NFX1: variants seen among roughly 807,000 people sequenced by gnomAD.
The protein encoded by NFX1 is nuclear transcription factor, X-box binding 1.
In NFX1, 69 loss-of-function variants were observed where a neutral mutation model predicts 137.2. The observed-to-expected ratio is 0.50, with a 90% CI of 0.41 to 0.61. NFX1 has a LOEUF of 0.61. NFX1 is among the 20% of genes least tolerant of loss of function. The probability of loss-of-function intolerance (pLI) is 0.00; values close to 1 mark genes in which losing one functional copy is unlikely to be tolerated. For synonymous variants in NFX1, 495 were observed against 474.1 expected (o/e 1.04, Z -0.57); for missense variants, 1,167 against 1,391.0 (o/e 0.84, Z 2.56).
intron 15 of NFX1, among the ~76,000 whole-genome samples, chr9:33,350,299 A>C (rs993642970): frequency 2.0e-5 from 3 of 146,384 alleles, no homozygotes; most frequent in African/African-American, 7.6e-5. Flanking sequence ...GCGAGACTCC[A>C]TCTCAAAAAA....
In NFX1 at chr9:33,313,643, T is replaced by C. The variant is rs1448389080; in HGVS notation, c.1449-11T>C. 2 of 1,613,592 alleles carry C rather than the reference T, an allele frequency of 1.2e-6. No individual in the cohort carries two copies. The highest frequency in any genetic ancestry group is 2.7e-5 in the African/African-American group (2 of 74,912). ...ACACTGATGCTGTCTTTACATCTATTGTCTTTACAGGCACACAGTTCGCTG... is the reference window on the plus strand; with the variant it reads ...ACACTGATGCTGTCTTTACATCTATCGTCTTTACAGGCACACAGTTCGCTG... On this transcript the variant is annotated splice_polypyrimidine_tract_variant and intron_variant, in intron 6 of 23. Coordinates refer to ENST00000379540, the MANE Select transcript of NFX1 (RefSeq NM_002504.6).
At chr9:33,331,275 A>T (rs982534516) in intron 10 of NFX1, among the ~76,000 whole-genome samples, 2 of 152,264 alleles carry the variant, frequency 1.3e-5, no homozygotes, top group Non-Finnish European at 2.9e-5. Flanking sequence ...GGGCTTTTCC[A>T]CAGAAGTGAG....
intron 14 of NFX1, 42 bp downstream of exon 14, chr9:33,344,230 A>G: frequency 1.9e-6 from 3 of 1,610,854 alleles, no homozygotes; most frequent in Non-Finnish European, 2.5e-6. Flanking sequence ...TGCTCACACC[A>G]TGTCATTTAG....
chr9:33,322,878 T>C (rs1822439239), intron 9 of NFX1, among the ~76,000 whole-genome samples: 1 of 152,222 alleles, frequency 6.6e-6, no homozygotes, highest in Non-Finnish European at 1.5e-5. Flanking sequence ...GTAGGCCATC[T>C]AGTTCATCAG....
At chr9:33,369,761 A>G in intron 23 of NFX1, 145 bp from the exon 24 acceptor site, 3 of 688,792 alleles carry the variant, frequency 4.4e-6, no homozygotes, top group Non-Finnish European at 2.5e-6. Flanking sequence ...CAAAGGGCAG[A>G]AGGAAAAAAA....
chr9:33,325,532 C>T (rs764384109), intron 9 of NFX1, among the ~76,000 whole-genome samples: 37 of 152,078 alleles, frequency 2.4e-4, no homozygotes, highest in African/African-American at 8.0e-4. Flanking sequence ...GGCATGGTGG[C>T]GGGCACCTGT....
intron 1 of NFX1, 61 bp downstream of exon 1, chr9:33,290,658 C>T (rs1821122259): frequency 2.6e-6 from 4 of 1,550,378 alleles, no homozygotes; most frequent in Admixed American, 3.8e-5. Context: ...GGGTCAGTGA[C>T]GAAGTTCTAG....
chr9:33,298,714 G>T (rs1006163303), intron 2 of NFX1, among the ~76,000 whole-genome samples: 5 of 152,176 alleles, frequency 3.3e-5, no homozygotes, highest in Non-Finnish European at 7.3e-5. Flanking sequence ...AGCCCAGTGG[G>T]TCAAGGCTGC....
At chr9:33,354,644 G>A (rs1017588670) in intron 18 of NFX1, among the ~76,000 whole-genome samples, 5 of 152,150 alleles carry the variant, frequency 3.3e-5, no homozygotes, top group Non-Finnish European at 5.9e-5. Flanking sequence ...CCTGGATTGG[G>A]GTCCCTGGGG....
In NFX1 at chr9:33,364,062, C is replaced by G; in HGVS notation, c.2926C>G (p.Arg976Gly). ...TGAGGATTCTGATCCTTTCAATATA[C>G]GTTCTTCAGGGTCAAAATTCAGTGA... Reference protein sequence around the residue: ...ISEDSDPFNIRSSGSKFSDSL... With the variant: ...ISEDSDPFNIGSSGSKFSDSL... Residue 976 changes from arginine (R) to glycine (G), a missense_variant, in exon 20 of 24, where the codon CGT becomes GGT. This residue lies in a region of NFX1 where 312 missense variants were observed against 312.8 expected (regional missense o/e 1.00). Transcript: ENST00000379540. 1.9e-6 allele frequency: 3 copies of G among 1,605,812 alleles called. 1 individual carries two copies. The South Asian group carries it at 3.4e-5, about 18-fold the overall frequency.
intron 4 of NFX1, among the ~76,000 whole-genome samples, chr9:33,304,909 T>C (rs1409704861): frequency 6.6e-6 from 1 of 152,242 alleles, no homozygotes; most frequent in Non-Finnish European, 1.5e-5. Context: ...ATTAAAAATC[T>C]TGTTAAAGCC....
chr9:33,308,398 C>T lies in NFX1; in HGVS notation c.1376+1099C>T, dbSNP rs1171145193. 2.0e-5 allele frequency among the ~76,000 whole-genome samples: 3 copies of T among 152,130 alleles called. 1 individual carries two copies. The South Asian group carries it at 6.2e-4, about 32-fold the overall frequency. ...TCACGGCTGCAGTGAGCTGTGATTGCACTATTGCACTCCAGCCTGGGCAAC... is the reference window on the plus strand; with the variant it reads ...TCACGGCTGCAGTGAGCTGTGATTGTACTATTGCACTCCAGCCTGGGCAAC... On this transcript the variant is annotated intron_variant, in intron 5 of 23. Coordinates refer to ENST00000379540, the MANE Select transcript of NFX1 (RefSeq NM_002504.6).
rs1823227000 is a variant in NFX1 at position 33,341,655 on chromosome 9, G to A, written c.2116-1091G>A. ...TTATTATAAAAAAATTTGCAGCCAG[G>A]CATTGTGGCTCACACCTGTAATTCC... On this transcript the variant is annotated intron_variant, in intron 12 of 23. Transcript: ENST00000379540. Among the ~76,000 whole-genome samples the A allele has an allele frequency of 2.0e-5, 3 of 152,142 alleles. No homozygotes were observed. In the South Asian group the frequency reaches 6.2e-4, roughly 32 times the overall value.
chr9:33,341,624 T>G (rs527770813), intron 12 of NFX1, among the ~76,000 whole-genome samples: 1 of 152,290 alleles, frequency 6.6e-6, no homozygotes, highest in South Asian at 2.1e-4. Context: ...GCTTAAAGAC[T>G]TCCTCTTATT....
At chr9:33,303,341 C>A in intron 4 of NFX1, 73 bp downstream of exon 4, 1 of 1,303,194 alleles carries the variant, frequency 7.7e-7, no homozygotes, top group Non-Finnish European at 1.1e-6. Context: ...AGGTGGTCTG[C>A]GGGGCATGTT....
chr9:33,351,980 A>G (rs928588974), intron 16 of NFX1, 190 bp downstream of exon 16: 1 of 544,194 alleles, frequency 1.8e-6, no homozygotes, highest in Non-Finnish European at 3.2e-6. Context: ...TGGCCTTTTG[A>G]TTCAGCAGGT....
At chr9:33,354,930 T>C in intron 19 of NFX1, 38 bp downstream of exon 19, 1 of 1,608,272 alleles carries the variant, frequency 6.2e-7, no homozygotes, top group African/African-American at 1.3e-5. Context: ...CTCCTTGCCC[T>C]TGAGCTCTGT....
At chr9:33,351,445 G>GAAAAC in intron 15 of NFX1, 115 bp from the exon 16 acceptor site, 1 of 1,041,650 alleles carries the variant, frequency 9.6e-7, no homozygotes, top group Non-Finnish European at 1.4e-6. Context: ...CCCTATATCC[G>GAAAAC]AAAACAAAAC....
rs771137618 is a variant in NFX1, at chr9:33,318,822, A to C, written c.1680A>C (p.Ile560=). 2.7e-5 allele frequency: 44 copies of C among 1,614,116 alleles called. No homozygotes were observed. In the Admixed American group the frequency reaches 7.3e-4, roughly 27 times the overall value. ...DGFGDFSCLK[I]CGKDLKCGNH... ...TTGGGGATTTCAGCTGTTTAAAGAT[A>C]TGTGGCAAGTAAGGTTTTACGTTTT... The change falls in exon 8 of 24, where the codon ATA becomes ATC. Residue 560 remains isoleucine, a synonymous_variant. Transcript: ENST00000379540.
Sources: gnomAD v4.1 joint callset for allele counts (sites outside exome capture counted in the v4.1 genomes callset) on GRCh38, gnomAD v4.1.1 for gene constraint, gnomAD v4.1.1 regional missense constraint, MANE v1.5 for transcripts, NCBI Gene and HGNC (gene_info 2026-07-23, HGNC 2026-07-21) for gene names.